Variants in RTN4 observed in about 807,000 individuals in gnomAD.
RTN4 encodes reticulon-4.
In RTN4, 32 loss-of-function variants were observed where a neutral mutation model predicts 90.4. The ratio of observed to expected loss-of-function variants is 0.35; its 90% CI spans 0.27 to 0.48. RTN4 has a LOEUF of 0.48. Among genes scored for constraint, RTN4 ranks in the 20% least tolerant of loss-of-function variants. RTN4 has a pLI of 0.99. For synonymous variants in RTN4, 629 were observed against 552.5 expected, an observed-to-expected ratio of 1.14 and a Z score of -1.94; for missense variants, 1,706 against 1,430.2, an observed-to-expected ratio of 1.19 and a Z score of -3.11.
At chr2:54,996,615 G>C (rs930821578) in intron 3 of RTN4, among the ~76,000 whole-genome samples, 3 of 152,196 alleles carry the variant, frequency 2.0e-5, no homozygotes, top group Non-Finnish European at 2.9e-5. Flanking sequence ...AATGGTGCTA[G>C]GACAACTGGA....
At chr2:55,089,057 C>T (rs941784672) in intron 1 of RTN4, among the ~76,000 whole-genome samples, 10 of 152,046 alleles carry the variant, frequency 6.6e-5, no homozygotes, top group South Asian at 2.1e-4. Flanking sequence ...CTCAGCCTCC[C>T]GAGTAGCTGG....
intron 1 of RTN4, among the ~76,000 whole-genome samples, chr2:55,091,807 G>C (rs1175290616): frequency 6.6e-6 from 1 of 151,254 alleles, no homozygotes; most frequent in Non-Finnish European, 1.5e-5. Flanking sequence ...ATCATGGCAG[G>C]AGGTAAAAGG....
At chr2:55,112,385 C>G (rs1668054009) in intron 1 of RTN4, 1 of 152,366 alleles carries the variant, frequency 6.6e-6, no homozygotes, top group South Asian at 2.1e-4. Flanking sequence ...AGGCTTGAGC[C>G]CAGACTGTGG....
intron 3 of RTN4, among the ~76,000 whole-genome samples, chr2:55,005,663 T>G (rs1189884765): frequency 1.3e-5 from 2 of 152,150 alleles, no homozygotes; most frequent in Non-Finnish European, 2.9e-5. Flanking sequence ...TTTTACAGGT[T>G]GAGTATTACT....
At chr2:54,973,642 A>C in intron 7 of RTN4, 21 bp from the exon 8 acceptor site, 1 of 1,589,238 alleles carries the variant, frequency 6.3e-7, no homozygotes, top group Non-Finnish European at 8.6e-7. Context: ...GGTATAAAGG[A>C]ATTATTACCG....
intron 1 of RTN4, among the ~76,000 whole-genome samples, chr2:55,105,072 G>T (rs560520926): frequency 3.2e-4 from 49 of 151,832 alleles, no homozygotes; most frequent in African/African-American, 1.2e-3. Flanking sequence ...CTCCCAAAAC[G>T]CTGGGATTAT....
chr2:55,016,068 T>A (rs75819497), intron 3 of RTN4, among the ~76,000 whole-genome samples: 12,080 of 152,134 alleles, frequency 0.079, 1,517 homozygotes, highest in African/African-American at 0.27. Context: ...ATAGCATTAT[T>A]TATCAATAAC....
intron 2 of RTN4, among the ~76,000 whole-genome samples, 184 bp from the exon 3 acceptor site, chr2:55,027,669 T>C (rs1682010202): frequency 6.6e-6 from 1 of 151,036 alleles, no homozygotes; most frequent in African/African-American, 2.5e-5. Flanking sequence ...TAAGCTATTG[T>C]AAATATAACA....
intron 1 of RTN4, among the ~76,000 whole-genome samples, chr2:55,103,571 G>A (rs991497714): frequency 2.0e-5 from 3 of 151,998 alleles, no homozygotes; most frequent in Non-Finnish European, 4.4e-5. Flanking sequence ...GGTCTTGATG[G>A]TAGTGATGGT....
chr2:55,078,246 T>G (rs1012191458), intron 2 of RTN4, among the ~76,000 whole-genome samples: 1 of 152,210 alleles, frequency 6.6e-6, no homozygotes, highest in East Asian at 1.9e-4. Flanking sequence ...TTTATTTTTT[T>G]AAATTTACTA....
chr2:55,060,374 A>G (rs935568280), intron 2 of RTN4, among the ~76,000 whole-genome samples: 1 of 152,160 alleles, frequency 6.6e-6, no homozygotes, highest in Non-Finnish European at 1.5e-5. Flanking sequence ...ATTATAGCAT[A>G]TAGTTGTCAT....
At chr2:54,977,351 C>T (rs1186807895) in intron 5 of RTN4, among the ~76,000 whole-genome samples, 1 of 151,454 alleles carries the variant, frequency 6.6e-6, no homozygotes, top group African/African-American at 2.4e-5. Context: ...TGCCTATGAG[C>T]CTGAGAGCTA....
At chr2:55,058,729 AAATGACAGATAGC>A (rs1276638080) in intron 2 of RTN4, among the ~76,000 whole-genome samples, 2 of 152,226 alleles carry the variant, frequency 1.3e-5, no homozygotes, top group East Asian at 1.9e-4. Flanking sequence ...AAAATCAAAG[AAATGACAGATAGC>A]TTTAGAAATC....
At chr2:55,120,120 C>T in the RTN4 span, among the ~76,000 whole-genome samples, 1 of 152,252 alleles carries the variant, frequency 6.6e-6, no homozygotes, top group Admixed American at 6.5e-5. Flanking sequence ...CCACTCTGGA[C>T]ACCCAGGCCT....
At chr2:55,018,846 C>T (rs143061061) in intron 3 of RTN4, among the ~76,000 whole-genome samples, 3 of 152,186 alleles carry the variant, frequency 2.0e-5, no homozygotes, top group African/African-American at 7.2e-5. Context: ...TAGCAATGAC[C>T]ACAACTAGCA....
At chr2:55,059,310 G>T (rs1668247518) in intron 2 of RTN4, among the ~76,000 whole-genome samples, 1 of 150,248 alleles carries the variant, frequency 6.7e-6, no homozygotes, top group African/African-American at 2.5e-5. Flanking sequence ...AGACTTAATT[G>T]TTTTTTTTTT....
intron 3 of RTN4, among the ~76,000 whole-genome samples, chr2:54,994,255 A>T (rs1679242665): frequency 6.6e-6 from 1 of 152,234 alleles, no homozygotes; most frequent in Non-Finnish European, 1.5e-5. Flanking sequence ...CTGATACCAA[A>T]ATCAGACAAA....
intron 2 of RTN4, among the ~76,000 whole-genome samples, chr2:55,058,936 G>C (rs1668239672): frequency 6.6e-6 from 1 of 151,848 alleles, no homozygotes; most frequent in Admixed American, 6.6e-5. Context: ...TTGAACTCTT[G>C]AGCTCAAGTG....
At chr2:55,129,057 G>A in the RTN4 span, among the ~76,000 whole-genome samples, 2 of 145,838 alleles carry the variant, frequency 1.4e-5, no homozygotes, top group African/African-American at 2.5e-5. Context: ...GCAGTGAGCC[G>A]AGATCGCGCC....
Sources: allele counts gnomAD v4.1 joint callset (sites outside exome capture counted in the v4.1 genomes callset), GRCh38; gene constraint gnomAD v4.1.1; transcripts MANE v1.5; gene names NCBI Gene and HGNC (gene_info 2026-07-23, HGNC 2026-07-21).